The following PRTG variants were observed in gnomAD, a reference collection of about 807,000 sequenced individuals.
PRTG encodes protogenin.
A neutral mutation model predicts 122.5 loss-of-function variants in PRTG; 67 were observed. The ratio of observed to expected loss-of-function variants is 0.55; its 90% CI spans 0.45 to 0.67. The LOEUF (loss-of-function observed/expected upper bound fraction) is 0.67, where lower values mean the gene tolerates loss of function less well. Ranked by LOEUF, PRTG falls within the 30% of genes least tolerant of loss-of-function variation. The pLI, the probability that PRTG is intolerant of heterozygous loss-of-function variation, is 0.00. For missense variants in PRTG, 1,435 were observed against 1,415.4 expected, an observed-to-expected ratio of 1.01 and a Z score of -0.22; for synonymous variants, 554 against 501.1, an observed-to-expected ratio of 1.11 and a Z score of -1.41.
At chr15:55,676,283 T>TA (rs2141804063) in intron 8 of PRTG, among the ~76,000 whole-genome samples, 1 of 150,760 alleles carries the variant, frequency 6.6e-6, no homozygotes, top group South Asian at 2.1e-4. Context: ...TTTTTTTTTT[T>TA]AAGAGAAAAA....
intron 2 of PRTG, among the ~76,000 whole-genome samples, chr15:55,736,102 C>A (rs531741361): frequency 2.2e-4 from 33 of 152,220 alleles, no homozygotes; most frequent in Non-Finnish European, 4.1e-4. Context: ...TCTCTACATA[C>A]CTCAGTTCTG....
At position 55,740,521 on chromosome 15, in the gene PRTG, C is replaced by T. The variant is rs1377194861; in HGVS notation, c.258G>A (p.Glu86=). 1.9e-6 allele frequency: 3 copies of T among 1,614,176 alleles called. No individual in the cohort carries two copies. Among genetic ancestry groups the T allele is most frequent in the Non-Finnish European group, 2.5e-6 (3 of 1,180,034 alleles). ...GAKMSENKRI[E]VLSNGSLYIS... is the part of the protein sequence containing the mutation. ...TGTATAAAGAGCCGTTAGAAAGAAC[C>T]TCGATCCGTTTATTTTCAGACATTT... The change falls in exon 2 of 20, where the codon GAG becomes GAA. Residue 86 remains glutamate (E), a synonymous_variant. Coordinates refer to ENST00000389286, the MANE Select transcript of PRTG (RefSeq NM_173814.6).
intron 15 of PRTG, among the ~76,000 whole-genome samples, chr15:55,629,938 C>T (rs1372632989): frequency 1.3e-5 from 2 of 151,244 alleles, no homozygotes; most frequent in Non-Finnish European, 2.9e-5. Flanking sequence ...CTGCCTCACC[C>T]ACCTGAGTAG....
intron 11 of PRTG, among the ~76,000 whole-genome samples, chr15:55,646,765 G>C (rs888251790): frequency 1.3e-5 from 2 of 152,184 alleles, no homozygotes; most frequent in Non-Finnish European, 2.9e-5. Flanking sequence ...ACACAAATTT[G>C]ATTCATAACA....
intron 12 of PRTG, among the ~76,000 whole-genome samples, chr15:55,640,749 T>C (rs1040672185): frequency 2.0e-5 from 3 of 151,908 alleles, no homozygotes; most frequent in African/African-American, 4.8e-5. Flanking sequence ...GTGGCTCACG[T>C]CTGTAATCCC....
At chr15:55,695,942 A>G (rs1280642766) in intron 2 of PRTG, among the ~76,000 whole-genome samples, 1 of 150,960 alleles carries the variant, frequency 6.6e-6, no homozygotes, top group East Asian at 2.0e-4. Context: ...TTGCACTCCA[A>G]CCTTGGTGAC....
chr15:55,689,628 AAATT>A (rs1376960646), intron 2 of PRTG, among the ~76,000 whole-genome samples: 2 of 33,834 alleles, frequency 5.9e-5, no homozygotes, highest in Non-Finnish European at 1.7e-4. Context: ...CCTAGAACTT[AAATT>A]AAAAAAAAAA....
chr15:55,626,911 C>T, intron 17 of PRTG, 97 bp downstream of exon 17: 2 of 1,077,922 alleles, frequency 1.9e-6, no homozygotes, highest in Non-Finnish European at 2.6e-6. Context: ...GTAGGAAATC[C>T]CAGTTACTCT....
At chr15:55,735,451 C>T (rs1348835932) in intron 2 of PRTG, among the ~76,000 whole-genome samples, 1 of 151,510 alleles carries the variant, frequency 6.6e-6, no homozygotes, top group Admixed American at 6.6e-5. Flanking sequence ...TTGTTGCTTC[C>T]TATTATTTTA....
chr15:55,714,908 A>G (rs1029629992), intron 2 of PRTG, among the ~76,000 whole-genome samples: 9 of 152,218 alleles, frequency 5.9e-5, no homozygotes, highest in Non-Finnish European at 1.0e-4. Context: ...AGAGTTCTTT[A>G]ACATCTTAGC....
intron 11 of PRTG, among the ~76,000 whole-genome samples, chr15:55,649,312 C>G (rs1037448248): frequency 6.6e-6 from 1 of 152,030 alleles, no homozygotes; most frequent in African/African-American, 2.4e-5. Flanking sequence ...TACTATGAAA[C>G]TTGGAGAAGT....
In PRTG at chr15:55,616,649, A is replaced by T. The variant is rs933915729; in HGVS notation, c.*3363T>A. On this transcript the variant is annotated 3_prime_UTR_variant, in exon 20 of 20. Coordinates refer to ENST00000389286, the MANE Select transcript of PRTG (RefSeq NM_173814.6). ...ACATGTTTGGTTTAACATAAAAACA[A>T]GAAACAACAGTTTAATGTACAACTA... 2.0e-5 allele frequency: 3 copies of T among 152,194 alleles called. No individual in the cohort carries two copies. Among genetic ancestry groups the T allele is most frequent in the Admixed American group, 2.0e-4 (3 of 15,270 alleles). 9.4% of individuals were successfully genotyped at this position (152,194 alleles called of 1,614,324 possible). A position where few individuals can be genotyped will look rare whatever the true frequency, so the allele number is the denominator to read the frequency against.
At position 55,734,374 on chromosome 15, in the gene PRTG, A is replaced by G. The variant is rs546192813; in HGVS notation, c.397+6008T>C. Among the ~76,000 whole-genome samples the G allele has an allele frequency of 9.2e-5, 14 of 152,206 alleles. No individual in the cohort carries two copies. In the South Asian group the frequency reaches 2.7e-3, roughly 29 times the overall value. ...AAAGTAGTCTGCATAAAACAGCAACATTAAGGGAAAAAAAAGCTGTCACAC... is the reference window on the plus strand; with the variant it reads ...AAAGTAGTCTGCATAAAACAGCAACGTTAAGGGAAAAAAAAGCTGTCACAC... On this transcript the variant is annotated intron_variant, in intron 2 of 19. Coordinates refer to ENST00000389286, the MANE Select transcript of PRTG (RefSeq NM_173814.6).
At chr15:55,641,677 A>G (rs1179652626) in intron 11 of PRTG, among the ~76,000 whole-genome samples, 1 of 152,214 alleles carries the variant, frequency 6.6e-6, no homozygotes, top group Non-Finnish European at 1.5e-5. Flanking sequence ...TACAATTGTC[A>G]TTCTTTAGTA....
intron 11 of PRTG, among the ~76,000 whole-genome samples, chr15:55,643,742 A>C (rs1405706970): frequency 1.3e-5 from 2 of 151,896 alleles, no homozygotes; most frequent in Non-Finnish European, 2.9e-5. Flanking sequence ...TGTTAAGGAG[A>C]ATGTCCAATA....
chr15:55,743,096 G>T lies in PRTG; in HGVS notation c.-165C>A. On this transcript the variant is annotated 5_prime_UTR_variant, in exon 1 of 20. Transcript: ENST00000389286. ...GCGTCTCTGCGGCGGCGAGGCTGGTGCTCGGACGGCCGCTCGCGAGAAGCA... is the reference window on the plus strand; with the variant it reads ...GCGTCTCTGCGGCGGCGAGGCTGGTTCTCGGACGGCCGCTCGCGAGAAGCA... The T allele has an allele frequency of 7.8e-7, 1 of 1,279,900 alleles. No individual in the cohort carries two copies. Among genetic ancestry groups the T allele is most frequent in the Non-Finnish European group, 9.8e-7 (1 of 1,017,982 alleles). 79.3% of individuals were successfully genotyped at this position (1,279,900 alleles called of 1,614,324 possible).
intron 2 of PRTG, among the ~76,000 whole-genome samples, chr15:55,722,826 T>C (rs2030878502): frequency 6.6e-6 from 1 of 152,196 alleles, no homozygotes; most frequent in Non-Finnish European, 1.5e-5. Flanking sequence ...GAAGCCATGG[T>C]GGTCCAGAGC....
intron 1 of PRTG, among the ~76,000 whole-genome samples, chr15:55,741,715 T>G (rs2031615255): frequency 6.6e-6 from 1 of 152,204 alleles, no homozygotes; most frequent in East Asian, 1.9e-4. Context: ...AGAAATGATT[T>G]GTTTCTCCTC....
intron 2 of PRTG, among the ~76,000 whole-genome samples, chr15:55,723,808 A>T (rs1451537872): frequency 6.8e-6 from 1 of 146,450 alleles, no homozygotes; most frequent in Non-Finnish European, 1.5e-5. Context: ...CTGGAGTGCA[A>T]TGGTGCAATC....
Sources: gnomAD v4.1 joint callset for allele counts (sites outside exome capture counted in the v4.1 genomes callset) on GRCh38, gnomAD v4.1.1 for gene constraint, MANE v1.5 for transcripts, NCBI Gene and HGNC (gene_info 2026-07-23, HGNC 2026-07-21) for gene names.